KIAA0753: variants seen among roughly 807,000 people sequenced by gnomAD.
KIAA0753 encodes KIAA0753, also known as protein moonraker.
A neutral mutation model predicts 116.9 loss-of-function variants in KIAA0753; 114 were observed. The ratio of observed to expected loss-of-function variants is 0.98; its 90% CI spans 0.84 to 1.14. The LOEUF is 1.14. Ranked by LOEUF, KIAA0753 falls within the 50% of genes most tolerant of loss-of-function variation. The pLI, the probability that KIAA0753 is intolerant of heterozygous loss-of-function variation, is 0.00. For missense variants in KIAA0753, 1,156 were observed against 1,172.4 expected (o/e 0.99, Z 0.20); for synonymous variants, 405 against 413.1 (o/e 0.98, Z 0.24).
chr17:6,590,428 A>T, intron 17 of KIAA0753, 82 bp downstream of exon 17: 3 of 1,531,292 alleles, frequency 2.0e-6, no homozygotes, highest in Non-Finnish European at 2.7e-6. Context: ...TGTCTGTCTT[A>T]TGGGAACTGA....
At chr17:6,608,723 T>C (rs920775286) in intron 9 of KIAA0753, among the ~76,000 whole-genome samples, 3 of 152,208 alleles carry the variant, frequency 2.0e-5, no homozygotes, top group African/African-American at 7.2e-5. Context: ...TTACAGAATA[T>C]TGGGTGAGTG....
intron 18 of KIAA0753, among the ~76,000 whole-genome samples, chr17:6,581,525 C>T (rs1243971668): frequency 6.6e-6 from 1 of 152,124 alleles, no homozygotes; most frequent in Non-Finnish European, 1.5e-5. Flanking sequence ...GAGGGAGATA[C>T]TTTGAGACTA....
At chr17:6,625,980 G>T (rs544941401) in intron 3 of KIAA0753, among the ~76,000 whole-genome samples, 2 of 152,204 alleles carry the variant, frequency 1.3e-5, no homozygotes, top group Non-Finnish European at 2.9e-5. Context: ...AGGATTACAG[G>T]TGTGAGCCAC....
chr17:6,638,136 C>G (rs1972449829), intron 1 of KIAA0753: 1 of 152,894 alleles, frequency 6.5e-6, no homozygotes, highest in African/African-American at 2.4e-5. Flanking sequence ...CAGACCACAG[C>G]TTCTCCCGAG....
chr17:6,634,936 G>A, intron 2 of KIAA0753, 75 bp downstream of exon 2: 1 of 971,500 alleles, frequency 1.0e-6, no homozygotes, highest in Non-Finnish European at 1.6e-6. Context: ...TTTCAAAAGT[G>A]TTCACTGTCC....
At chr17:6,597,516 C>T (rs977365951) in intron 14 of KIAA0753, among the ~76,000 whole-genome samples, 20 of 152,176 alleles carry the variant, frequency 1.3e-4, no homozygotes, top group African/African-American at 4.1e-4. Context: ...TATAGAACAG[C>T]ATATGGCACC....
intron 12 of KIAA0753, among the ~76,000 whole-genome samples, chr17:6,606,319 T>C (rs142594785): frequency 5.1e-4 from 77 of 152,286 alleles, no homozygotes; most frequent in East Asian, 4.6e-3. Flanking sequence ...AATGTGACTA[T>C]AGGATGAATT....
intron 7 of KIAA0753, among the ~76,000 whole-genome samples, chr17:6,616,492 A>T (rs1970943432): frequency 6.6e-6 from 1 of 152,356 alleles, no homozygotes; most frequent in East Asian, 1.9e-4. Flanking sequence ...AGTCAGTCAC[A>T]AAACACAAAG....
intron 6 of KIAA0753, among the ~76,000 whole-genome samples, chr17:6,622,359 T>C (rs1449250951): frequency 6.6e-6 from 1 of 152,214 alleles, no homozygotes; most frequent in Non-Finnish European, 1.5e-5. Context: ...GCTATAAAAT[T>C]AATGTGTCTT....
At chr17:6,636,076 G>C (rs1349948457) in intron 1 of KIAA0753, 1 of 152,078 alleles carries the variant, frequency 6.6e-6, no homozygotes, top group Admixed American at 6.5e-5. Flanking sequence ...TGGGGAATTT[G>C]TTCTCTCAAA....
chr17:6,614,213 T>C (rs1970729991), intron 7 of KIAA0753, among the ~76,000 whole-genome samples: 1 of 152,212 alleles, frequency 6.6e-6, no homozygotes, highest in East Asian at 1.9e-4. Flanking sequence ...ATTGTTCTGG[T>C]AAAGTTTAAG....
At chr17:6,580,921 C>CACACAT (rs1968126443) in intron 18 of KIAA0753, among the ~76,000 whole-genome samples, 1 of 144,216 alleles carries the variant, frequency 6.9e-6, no homozygotes, top group Admixed American at 6.7e-5. Flanking sequence ...CACACACACA[C>CACACAT]ACACACACAC....
At chr17:6,580,824 G>A (rs1010863098) in intron 18 of KIAA0753, among the ~76,000 whole-genome samples, 4 of 151,842 alleles carry the variant, frequency 2.6e-5, no homozygotes, top group African/African-American at 4.8e-5. Flanking sequence ...CTGACCGGCC[G>A]ACGGAGGAAG....
In KIAA0753 at chr17:6,606,868, C is replaced by T. The variant is rs764876818; in HGVS notation, c.2009+5G>A. Reference sequence around the variant, plus strand: ...CACTATTCTTCCTAAGAAGCAAACACATACCTCAATTGTTGGAGTCTATAC... The same window carrying T: ...CACTATTCTTCCTAAGAAGCAAACATATACCTCAATTGTTGGAGTCTATAC... On this transcript the variant is annotated splice_donor_5th_base_variant and intron_variant, in intron 12 of 18. Coordinates refer to ENST00000361413, the MANE Select transcript of KIAA0753 (RefSeq NM_014804.3). The T allele has an allele frequency of 2.5e-6, 4 of 1,611,436 alleles. No homozygotes were observed. Among genetic ancestry groups the T allele is most frequent in the African/African-American group, 1.3e-5 (1 of 74,868 alleles).
At chr17:6,615,282 T>C (rs1434960723) in intron 7 of KIAA0753, among the ~76,000 whole-genome samples, 3 of 152,142 alleles carry the variant, frequency 2.0e-5, no homozygotes, top group Non-Finnish European at 2.9e-5. Flanking sequence ...CCCTGCCTGT[T>C]AGTCACCTAG....
chr17:6,610,867 G>T, intron 8 of KIAA0753, among the ~76,000 whole-genome samples: 1 of 152,142 alleles, frequency 6.6e-6, no homozygotes, highest in East Asian at 1.9e-4. Flanking sequence ...GCTGTCTGTG[G>T]AGAGGCGCAC....
At chr17:6,614,161 GAT>G (rs1970727939) in intron 7 of KIAA0753, among the ~76,000 whole-genome samples, 1 of 152,174 alleles carries the variant, frequency 6.6e-6, no homozygotes. Context: ...TCCATCAAAA[GAT>G]GTGGAAAAAC....
rs1018514092 is a variant in KIAA0753 at position 6,624,816 on chromosome 17, C to G, written c.764G>C (p.Arg255Pro). ...AGCAGCTTGCTCCTGTCTCCTGATA[C>G]GGATTCGACGTTCTTCATCTGGATC... Reference protein sequence around the residue: ...ALDPDEERRIRIRRQEQAARS... With the variant: ...ALDPDEERRIPIRRQEQAARS... The change falls in exon 4 of 19, where the codon CGT becomes CCT. Residue 255 changes from arginine (R) to proline (P), a missense_variant. Arg to Pro is a moderately radical substitution (Grantham distance 103). Transcript: ENST00000361413. 1.3e-6 allele frequency: 2 copies of G among 1,563,184 alleles called. No individual in the cohort carries two copies. Among genetic ancestry groups the G allele is most frequent in the Non-Finnish European group, 1.7e-6 (2 of 1,151,748 alleles).
At position 6,628,529 on chromosome 17, in the gene KIAA0753, G is replaced by A. The variant is rs114686202; in HGVS notation, c.306C>T (p.His102=). The part of the protein sequence containing the change: ...ISQERLSYAV[H]LARRDVKRRQ... ...TTCGTTTCACATCTCTTCTGGCTAG[G>A]TGGACAGCATAGCTAAGTCTCTCTT... The change falls in exon 3 of 19, where the codon CAC becomes CAT. Residue 102 remains histidine, a synonymous_variant. Coordinates refer to ENST00000361413, the MANE Select transcript of KIAA0753 (RefSeq NM_014804.3). The A allele has an allele frequency of 5.4e-4, 876 of 1,614,154 alleles. 6 individuals are homozygous for A. In the African/African-American group the frequency reaches 0.011, roughly 20 times the overall value.
Sources: gnomAD v4.1 joint callset for allele counts (sites outside exome capture counted in the v4.1 genomes callset) on GRCh38, gnomAD v4.1.1 for gene constraint, MANE v1.5 for transcripts, NCBI Gene and HGNC (gene_info 2026-07-23, HGNC 2026-07-21) for gene names.